WDFY3: variants seen among roughly 807,000 people sequenced by gnomAD.
WDFY3 encodes WD repeat and FYVE domain-containing protein 3.
Under a neutral mutation model 409.6 loss-of-function variants are expected in WDFY3, and 66 were observed. The observed-to-expected ratio is 0.16, with a 90% CI of 0.13 to 0.20. The LOEUF is 0.20. Among genes scored for constraint, WDFY3 ranks in the 10% least tolerant of loss-of-function variants. WDFY3 has a pLI of 1.00. For missense variants in WDFY3, 3,031 were observed against 4,298.1 expected, an observed-to-expected ratio of 0.71 and a Z score of 8.24; for synonymous variants, 1,521 against 1,537.1, an observed-to-expected ratio of 0.99 and a Z score of 0.25.
chr4:84,920,535 T>C (rs1222839670), intron 2 of WDFY3, among the ~76,000 whole-genome samples: 5 of 152,204 alleles, frequency 3.3e-5, no homozygotes, highest in Admixed American at 2.0e-4. Context: ...TGGCTAACAA[T>C]AGATGAATCT....
At chr4:84,926,271 T>C (rs1325672667) in intron 2 of WDFY3, among the ~76,000 whole-genome samples, 1 of 147,462 alleles carries the variant, frequency 6.8e-6, no homozygotes, top group African/African-American at 2.5e-5. Flanking sequence ...ATTTAATAAA[T>C]CAAAAGTCTA....
At chr4:84,900,957 C>G (rs1246557072) in intron 2 of WDFY3, among the ~76,000 whole-genome samples, 2 of 152,198 alleles carry the variant, frequency 1.3e-5, no homozygotes, top group Non-Finnish European at 2.9e-5. Context: ...CCTCATGGAT[C>G]TGTAGGCTGA....
At chr4:84,854,376 A>G (rs1452415055) in intron 4 of WDFY3, among the ~76,000 whole-genome samples, 1 of 152,208 alleles carries the variant, frequency 6.6e-6, no homozygotes, top group Admixed American at 6.6e-5. Context: ...TGTAGGTAAT[A>G]CTGAATGGAT....
At chr4:84,951,720 T>A (rs1338084906) in intron 1 of WDFY3, among the ~76,000 whole-genome samples, 1 of 152,214 alleles carries the variant, frequency 6.6e-6, no homozygotes, top group Non-Finnish European at 1.5e-5. Flanking sequence ...CCAGTTTTCT[T>A]CCATTAAAAT....
In WDFY3 at chr4:84,718,460, T is replaced by C. The variant is rs138200729; in HGVS notation, c.7716A>G (p.Ala2572=). 6.2e-7 allele frequency: 1 copy of C among 1,614,038 alleles called. No homozygotes were observed. The highest frequency in any genetic ancestry group is 1.3e-5 in the African/African-American group (1 of 75,056). Residue 2572 remains alanine (A), a synonymous_variant, in exon 48 of 68, where the codon GCA becomes GCG. Coordinates refer to ENST00000295888, the MANE Select transcript of WDFY3 (RefSeq NM_014991.6). Reference sequence around the variant, plus strand: ...TTTCAATATCTCTTATTTCCCTGGTTGCTGTCATGGTAAATCCATCAATCA... The same window carrying C: ...TTTCAATATCTCTTATTTCCCTGGTCGCTGTCATGGTAAATCCATCAATCA... ...FYVIDGFTMT[A]TREIRDIETL... is the part of the protein sequence containing the mutation.
At chr4:84,877,219 G>T (rs572669923) in intron 3 of WDFY3, among the ~76,000 whole-genome samples, 2 of 152,090 alleles carry the variant, frequency 1.3e-5, no homozygotes, top group Non-Finnish European at 2.9e-5. Flanking sequence ...TCCTTGCTCT[G>T]CCTGCACGCA....
chr4:84,857,908 A>G lies in WDFY3; in HGVS notation c.180+2504T>C, dbSNP rs115174534. 4.8e-3 allele frequency among the ~76,000 whole-genome samples: 727 copies of G among 152,224 alleles called. 4 individuals carry two copies. The highest frequency in any genetic ancestry group is 0.016 in the African/African-American group (682 of 41,538). Reference sequence around the variant, plus strand: ...TTGCCCTTCTGCCTTACCAGCCTATACAAACCTCAATCTCAATAAATCAGG... The same window carrying G: ...TTGCCCTTCTGCCTTACCAGCCTATGCAAACCTCAATCTCAATAAATCAGG... On this transcript the variant is annotated intron_variant, in intron 4 of 67. Coordinates refer to ENST00000295888, the MANE Select transcript of WDFY3 (RefSeq NM_014991.6).
In WDFY3 at chr4:84,776,914, A is replaced by AG. The variant is rs1225770936; in HGVS notation, c.4518+1588dup. Among the ~76,000 whole-genome samples the AG allele has an allele frequency of 2.6e-5, 4 of 152,184 alleles. No homozygotes were observed. In the East Asian group the frequency reaches 5.8e-4, roughly 22 times the overall value. ...AGGGTATGTAGGACAGCCTGAGCAAAGGGAAAAAGAAGTGATAGTTATCCT... is the reference window on the plus strand; with the variant it reads ...AGGGTATGTAGGACAGCCTGAGCAAAGGGGAAAAAGAAGTGATAGTTATCCT... On this transcript the variant is annotated intron_variant, in intron 27 of 67. Coordinates refer to ENST00000295888, the MANE Select transcript of WDFY3 (RefSeq NM_014991.6).
rs148582763 is a variant in WDFY3 at position 84,764,551 on chromosome 4, G to C, written c.5188+1259C>G. ...TCACATCTGAAATAACAATACAATA[G>C]TACTATGTTGAAAGACCTGTCTTCC... On this transcript the variant is annotated intron_variant, in intron 32 of 67. Transcript: ENST00000295888. 2.7e-4 allele frequency among the ~76,000 whole-genome samples: 41 copies of C among 152,182 alleles called. No homozygotes were observed. In the East Asian group the frequency reaches 7.9e-3, roughly 29 times the overall value.
chr4:84,887,754 A>C (rs763988452), intron 3 of WDFY3, among the ~76,000 whole-genome samples: 11 of 152,236 alleles, frequency 7.2e-5, no homozygotes, highest in Non-Finnish European at 1.5e-4. Context: ...AAGACATATA[A>C]GTCCAAATCC....
At chr4:84,859,447 G>A (rs1760244541) in intron 4 of WDFY3, among the ~76,000 whole-genome samples, 1 of 152,174 alleles carries the variant, frequency 6.6e-6, no homozygotes, top group African/African-American at 2.4e-5. Flanking sequence ...GTAAAAGTAT[G>A]TTATTTAAAA....
intron 1 of WDFY3, among the ~76,000 whole-genome samples, chr4:84,948,180 AT>A (rs1325404740): frequency 6.6e-6 from 1 of 152,212 alleles, no homozygotes; most frequent in Non-Finnish European, 1.5e-5. Flanking sequence ...CAGAAAATAA[AT>A]TCCTAAAGGG....
At chr4:84,673,179 TA>T (rs948193502) in intron 67 of WDFY3, among the ~76,000 whole-genome samples, 188 bp from the exon 68 acceptor site, 16 of 152,232 alleles carry the variant, frequency 1.1e-4, no homozygotes, top group South Asian at 2.1e-4. Context: ...AGAAAAGCAG[TA>T]TTAAACCAGG....
intron 2 of WDFY3, among the ~76,000 whole-genome samples, chr4:84,920,737 C>CA: frequency 6.6e-6 from 1 of 152,290 alleles, no homozygotes; most frequent in Middle Eastern, 3.4e-3. Context: ...AGAAACTTGA[C>CA]AGTTAACCTA....
Position 84,739,082 on chromosome 4 carries a change from T to C in WDFY3, c.6502A>G (p.Met2168Val). 6.2e-7 allele frequency: 1 copy of C among 1,614,188 alleles called. No homozygotes were observed. The highest frequency in any genetic ancestry group is 8.5e-7 in the Non-Finnish European group (1 of 1,179,984). The change falls in exon 40 of 68, where the codon ATG becomes GTG. Residue 2168 changes from methionine (M) to valine (V), a missense_variant. By Grantham distance (21) the Met-to-Val change is conservative. This residue lies in a region of WDFY3 where 314 missense variants were observed against 397.4 expected (regional missense o/e 0.79). Transcript: ENST00000295888. ...GGGATCATAATGTGCCATGTGGTCA[T>C]GCGGGCTTCTGCTTCCAGTCCAAAT... ...DGFGLEAEAR[M>V]TTWHIMIPSD...
chr4:84,775,207 C>A, intron 27 of WDFY3, 69 bp from the exon 28 acceptor site: 1 of 1,276,520 alleles, frequency 7.8e-7, no homozygotes, highest in South Asian at 1.3e-5. Flanking sequence ...CCAACAAACA[C>A]CAATACAGCA....
chr4:84,684,817 A>G (rs1663303869), intron 62 of WDFY3, among the ~76,000 whole-genome samples: 1 of 152,176 alleles, frequency 6.6e-6, no homozygotes, highest in Admixed American at 6.5e-5. Flanking sequence ...CTTAAATTCT[A>G]CCAGGCTGGG....
rs200780675 is a variant in WDFY3 at position 84,702,553 on chromosome 4, T to C, written c.8443-47A>G. On this transcript the variant is annotated intron_variant, in intron 55 of 67. Coordinates refer to ENST00000295888, the MANE Select transcript of WDFY3 (RefSeq NM_014991.6). ...TCTCTATTAGAGAACCGTTCCCACC[T>C]GACAGCTTCTGTCAAGTTCAAGAGC... 5.4e-5 allele frequency: 79 copies of C among 1,470,946 alleles called. No homozygotes were observed. In the East Asian group the frequency reaches 1.6e-3, roughly 31 times the overall value. 91.1% of individuals were successfully genotyped at this position (1,470,946 alleles called of 1,614,324 possible). A position where few individuals can be genotyped will look rare whatever the true frequency, so the allele number is the denominator to read the frequency against.
intron 38 of WDFY3, among the ~76,000 whole-genome samples, chr4:84,741,556 C>T (rs912745923): frequency 6.6e-6 from 1 of 152,142 alleles, no homozygotes; most frequent in African/African-American, 2.4e-5. Flanking sequence ...CTCAAGTGAT[C>T]CACCTGCCTT....
Sources: gnomAD v4.1 joint callset for allele counts (sites outside exome capture counted in the v4.1 genomes callset) on GRCh38, gnomAD v4.1.1 for gene constraint, gnomAD v4.1.1 regional missense constraint, MANE v1.5 for transcripts, NCBI Gene and HGNC (gene_info 2026-07-23, HGNC 2026-07-21) for gene names.